The following FLRT2 variants were observed in gnomAD, a reference collection of about 807,000 sequenced individuals.
FLRT2 encodes the protein leucine-rich repeat transmembrane protein FLRT2.
FLRT2 carries 15 observed loss-of-function variants against 40.0 expected under a neutral mutation model. That is an observed-to-expected ratio of 0.38 (90% confidence interval 0.25 to 0.58). FLRT2 has a LOEUF of 0.58. FLRT2 is among the 20% of genes least tolerant of loss of function. The probability of loss-of-function intolerance (pLI) is 0.71; values close to 1 mark genes in which losing one functional copy is unlikely to be tolerated. For synonymous variants in FLRT2, 380 were observed against 336.8 expected (o/e 1.13, Z -1.41); for missense variants, 726 against 840.0 (o/e 0.86, Z 1.68).
rs186889211 is a variant in FLRT2 at position 85,618,885 on chromosome 14, T to C, written c.-376-2254T>C. 4.7e-4 allele frequency among the ~76,000 whole-genome samples: 71 copies of C among 152,248 alleles called. No individual in the cohort carries two copies. In the East Asian group the frequency reaches 0.012, roughly 26 times the overall value. On this transcript the variant is annotated intron_variant, in intron 1 of 1. Coordinates refer to ENST00000330753, the MANE Select transcript of FLRT2 (RefSeq NM_013231.6). ...CAAGGACCACACTTGAGTACCAAGA[T>C]GTTAGGGAACATTAAGATGGTTTGA...
intron 1 of FLRT2, among the ~76,000 whole-genome samples, chr14:85,572,850 TAG>T: frequency 6.6e-6 from 1 of 152,228 alleles, no homozygotes; most frequent in Admixed American, 6.5e-5. Flanking sequence ...CTAAGGGACT[TAG>T]AGAGTTTGAG....
At chr14:85,547,325 CTT>C (rs57883277) in intron 1 of FLRT2, among the ~76,000 whole-genome samples, 74,983 of 139,280 alleles carry the variant, frequency 0.54, 19,902 homozygotes, top group Admixed American at 0.64. Flanking sequence ...TTCTTTCTTT[CTT>C]TTTTTTTTTT....
intron 1 of FLRT2, among the ~76,000 whole-genome samples, chr14:85,567,348 C>T (rs919407169): frequency 1.3e-5 from 2 of 152,110 alleles, no homozygotes; most frequent in African/African-American, 4.8e-5. Context: ...ATTAGACCAA[C>T]TTGAGGCTTT....
At chr14:85,618,669 C>T (rs532365788) in intron 1 of FLRT2, among the ~76,000 whole-genome samples, 13 of 152,270 alleles carry the variant, frequency 8.5e-5, no homozygotes, top group African/African-American at 3.1e-4. Context: ...TGCCTTATCT[C>T]TTCTCAAAAG....
chr14:85,535,898 T>TG, intron 1 of FLRT2, among the ~76,000 whole-genome samples: 1 of 65,110 alleles, frequency 1.5e-5, no homozygotes, highest in Non-Finnish European at 2.9e-5. Context: ...TGCTGTTTTT[T>TG]TTTTTTTTTT....
At chr14:85,554,906 G>T (rs935522337) in intron 1 of FLRT2, among the ~76,000 whole-genome samples, 10 of 152,166 alleles carry the variant, frequency 6.6e-5, no homozygotes, top group Middle Eastern at 3.2e-3. Context: ...TGCAGAGTCA[G>T]TGGTGGCATC....
chr14:85,564,545 T>G (rs1359813730), intron 1 of FLRT2, among the ~76,000 whole-genome samples: 1 of 152,178 alleles, frequency 6.6e-6, no homozygotes, highest in Non-Finnish European at 1.5e-5. Flanking sequence ...GGAAGATTTA[T>G]TAAAGGATAT....
Position 85,647,233 on chromosome 14 carries a change from A to G in FLRT2, c.*23736A>G, listed in dbSNP as rs1594980494. 6.6e-6 allele frequency: 1 copy of G among 152,246 alleles called. No homozygotes were observed. The highest frequency in any genetic ancestry group is 6.5e-5 in the Admixed American group (1 of 15,280). The allele number at this position is 152,246 out of a possible 1,614,324, so 9.4% of individuals were successfully genotyped here. A position where few individuals can be genotyped will look rare whatever the true frequency, so the allele number is the denominator to read the frequency against. Reference sequence around the variant, plus strand: ...TCTTTCCTTTCTATCTATGTTTAGTATGCACAAGACATACTTATTTTACCT... The same window carrying G: ...TCTTTCCTTTCTATCTATGTTTAGTGTGCACAAGACATACTTATTTTACCT... On this transcript the variant is annotated 3_prime_UTR_variant, in exon 2 of 2. Transcript: ENST00000330753.
chr14:85,616,764 C>T (rs1291721445), intron 1 of FLRT2, among the ~76,000 whole-genome samples: 1 of 152,144 alleles, frequency 6.6e-6, no homozygotes, highest in Non-Finnish European at 1.5e-5. Flanking sequence ...AACCCTAATT[C>T]CCTGCCTACT....
chr14:85,649,929 T>G lies in FLRT2; in HGVS notation c.*26432T>G, dbSNP rs1894393597. On this transcript the variant is annotated 3_prime_UTR_variant, in exon 2 of 2. Transcript: ENST00000330753. ...TTTGTTGCTATAGTATTTCATTATT[T>G]TTTATTAGAAAATATTTTAATAACA... 1 of 152,110 alleles carries G rather than the reference T, an allele frequency of 6.6e-6. No homozygotes were observed. Among genetic ancestry groups the G allele is most frequent in the African/African-American group, 2.4e-5 (1 of 41,448 alleles). The allele number at this position is 152,110 out of a possible 1,614,324, so 9.4% of individuals were successfully genotyped here.
chr14:85,613,750 A>T (rs972548107), intron 1 of FLRT2, among the ~76,000 whole-genome samples: 2 of 152,182 alleles, frequency 1.3e-5, no homozygotes, highest in African/African-American at 4.8e-5. Flanking sequence ...CTTACAGAGA[A>T]GCAGGACAGA....
chr14:85,615,885 C>T (rs912874084), intron 1 of FLRT2, among the ~76,000 whole-genome samples: 1 of 152,160 alleles, frequency 6.6e-6, no homozygotes, highest in Non-Finnish European at 1.5e-5. Flanking sequence ...ATTTTCTGTA[C>T]TATGATTTTT....
intron 1 of FLRT2, among the ~76,000 whole-genome samples, chr14:85,555,176 T>C (rs1306081388): frequency 6.6e-6 from 1 of 152,174 alleles, no homozygotes; most frequent in Non-Finnish European, 1.5e-5. Flanking sequence ...TCCTGACTTA[T>C]GAGGCCAAAA....
intron 1 of FLRT2, among the ~76,000 whole-genome samples, chr14:85,532,699 A>T (rs1888359991): frequency 6.6e-6 from 1 of 152,208 alleles, no homozygotes; most frequent in African/African-American, 2.4e-5. Context: ...AGTTAAAGTC[A>T]TTTAAGGTGG....
At chr14:85,608,344 C>G (rs376600828) in intron 1 of FLRT2, among the ~76,000 whole-genome samples, 1 of 151,996 alleles carries the variant, frequency 6.6e-6, no homozygotes, top group Non-Finnish European at 1.5e-5. Flanking sequence ...ATTCTTCTGC[C>G]TCAGCCTTCC....
rs189318612 is a variant in FLRT2 at position 85,579,634 on chromosome 14, T to A, written c.-376-41505T>A. ...TATCTATAAAATGGAAATAAAATTCTTAGCCCATGGGGTTGTTTTGAAGAT... is the reference window on the plus strand; with the variant it reads ...TATCTATAAAATGGAAATAAAATTCATAGCCCATGGGGTTGTTTTGAAGAT... On this transcript the variant is annotated intron_variant, in intron 1 of 1. Coordinates refer to ENST00000330753, the MANE Select transcript of FLRT2 (RefSeq NM_013231.6). Among the ~76,000 whole-genome samples the A allele has an allele frequency of 1.3e-4, 20 of 152,302 alleles. No individual in the cohort carries two copies. The East Asian group carries it at 1.4e-3, about 10-fold the overall frequency.
At chr14:85,603,848 C>A (rs182021034) in intron 1 of FLRT2, among the ~76,000 whole-genome samples, 2 of 152,096 alleles carry the variant, frequency 1.3e-5, no homozygotes, top group South Asian at 2.1e-4. Context: ...CCAGCCTGGG[C>A]GACAGAGCGA....
chr14:85,590,058 A>AT (rs35439175), intron 1 of FLRT2, among the ~76,000 whole-genome samples: 10,009 of 146,758 alleles, frequency 0.068, 414 homozygotes, highest in Non-Finnish European at 0.093. Context: ...TTTTGCTCAG[A>AT]TTTTTTTTTT....
rs752298735 is a variant in FLRT2 at position 85,622,696 on chromosome 14, C to T, written c.1182C>T (p.Ser394=). 1 of 1,613,996 alleles carries T rather than the reference C, an allele frequency of 6.2e-7. No homozygotes were observed. Residue 394 remains serine, a synonymous_variant, in exon 2 of 2, where the codon AGC becomes AGT. Transcript: ENST00000330753. ...TCTCTATTCCAAACCCTAGCAGAAG[C>T]TACACGCCTCCAACTCCTACCACAT... The part of the protein sequence containing the change: ...PTLSIPNPSR[S]YTPPTPTTSK...
Sources: allele counts gnomAD v4.1 joint callset (sites outside exome capture counted in the v4.1 genomes callset), GRCh38; gene constraint gnomAD v4.1.1; transcripts MANE v1.5; gene names NCBI Gene and HGNC (gene_info 2026-07-23, HGNC 2026-07-21).